The following CACUL1 variants were observed in gnomAD, a reference collection of about 807,000 sequenced individuals.
CACUL1 encodes the protein CDK2-associated and cullin domain-containing protein 1.
In CACUL1, 13 loss-of-function variants were observed where a neutral mutation model predicts 45.2. The observed-to-expected ratio is 0.29, with a 90% CI of 0.19 to 0.46. The LOEUF (loss-of-function observed/expected upper bound fraction) is 0.46. CACUL1 is among the 20% of genes least tolerant of loss of function. The probability of loss-of-function intolerance (pLI) is 1.00; values close to 1 mark genes in which losing one functional copy is unlikely to be tolerated. For missense variants in CACUL1, 421 were observed against 471.4 expected (o/e 0.89, Z 0.99); for synonymous variants, 197 against 174.2 (o/e 1.13, Z -1.03).
intron 3 of CACUL1, among the ~76,000 whole-genome samples, chr10:118,723,787 T>C (rs768454827): frequency 6.6e-6 from 1 of 152,138 alleles, no homozygotes; most frequent in Non-Finnish European, 1.5e-5. Flanking sequence ...TTTTTTTTTC[T>C]TTTTGGGAGA....
intron 3 of CACUL1, among the ~76,000 whole-genome samples, chr10:118,723,979 C>CT (rs1203621792): frequency 6.6e-6 from 1 of 152,102 alleles, no homozygotes; most frequent in Non-Finnish European, 1.5e-5. Context: ...CTTGGCCAGG[C>CT]TGGTCTTTAA....
At chr10:118,744,429 T>C (rs1564839654) in intron 1 of CACUL1, among the ~76,000 whole-genome samples, 1 of 151,736 alleles carries the variant, frequency 6.6e-6, no homozygotes. Context: ...AGATCTGGAA[T>C]AGGTAAACCC....
chr10:118,713,048 G>A (rs1218490310), intron 3 of CACUL1, among the ~76,000 whole-genome samples: 1 of 152,208 alleles, frequency 6.6e-6, no homozygotes, highest in Non-Finnish European at 1.5e-5. Flanking sequence ...GCCAAGGGGC[G>A]CCTGCAGGCC....
chr10:118,719,062 A>G (rs1402057871), intron 3 of CACUL1, among the ~76,000 whole-genome samples: 5 of 152,252 alleles, frequency 3.3e-5, no homozygotes, highest in African/African-American at 1.2e-4. Context: ...TATCACAGAC[A>G]CTTTAAATAA....
At chr10:118,729,112 C>G in intron 3 of CACUL1, 183 bp downstream of exon 3, 1 of 525,066 alleles carries the variant, frequency 1.9e-6, no homozygotes, top group Non-Finnish European at 3.3e-6. Flanking sequence ...ACAATTTATA[C>G]CAAATTTTCA....
intron 3 of CACUL1, among the ~76,000 whole-genome samples, chr10:118,728,317 CT>C (rs5788315): frequency 4.8e-4 from 68 of 140,766 alleles, no homozygotes; most frequent in South Asian, 8.9e-4. Flanking sequence ...AGTGACTTTT[CT>C]TTTTTTTTTT....
chr10:118,715,725 C>T (rs943656773), intron 3 of CACUL1, among the ~76,000 whole-genome samples: 3 of 151,940 alleles, frequency 2.0e-5, no homozygotes, highest in Non-Finnish European at 4.4e-5. Context: ...CCCAGCCAAC[C>T]GAAATGAAAC....
rs1254944014 is a variant in CACUL1, at chr10:118,676,855, CACACACACACACACACA to C, written c.*9256_*9272del. ...ATGTCTATGTACACACACACACACA[CACACACACACACACACA>C]CTGGGGTGTGCACACTACGGCATTA... is the stretch of plus-strand genomic sequence containing the variant. On this transcript the variant is annotated 3_prime_UTR_variant, in exon 9 of 9. Transcript: ENST00000369151. 6.6e-6 allele frequency: 1 copy of C among 151,966 alleles called. No individual in the cohort carries two copies. Among genetic ancestry groups the C allele is most frequent in the African/African-American group, 2.4e-5 (1 of 41,342 alleles). 9.4% of individuals were successfully genotyped at this position (151,966 alleles called of 1,614,324 possible).
At chr10:118,736,880 T>C (rs778824323) in intron 1 of CACUL1, among the ~76,000 whole-genome samples, 6 of 152,170 alleles carry the variant, frequency 3.9e-5, no homozygotes, top group Non-Finnish European at 7.3e-5. Context: ...TATGTTACAG[T>C]TGCATACAGT....
At chr10:118,701,688 CTG>C (rs569235062) in intron 4 of CACUL1, among the ~76,000 whole-genome samples, 8 of 152,312 alleles carry the variant, frequency 5.3e-5, no homozygotes, top group African/African-American at 1.9e-4. Flanking sequence ...TAGAATCACA[CTG>C]TGTGGAATAC....
chr10:118,712,437 G>A (rs546163114), intron 3 of CACUL1, among the ~76,000 whole-genome samples: 3 of 152,216 alleles, frequency 2.0e-5, no homozygotes, highest in Admixed American at 1.3e-4. Flanking sequence ...CTCTTCACCC[G>A]CAATGTGGCA....
intron 3 of CACUL1, among the ~76,000 whole-genome samples, chr10:118,721,868 T>G (rs1185004487): frequency 6.6e-6 from 1 of 152,212 alleles, no homozygotes; most frequent in African/African-American, 2.4e-5. Flanking sequence ...CAACATTACT[T>G]GGGGAGAAAA....
chr10:118,738,124 C>A (rs1355511457), intron 1 of CACUL1, among the ~76,000 whole-genome samples: 1 of 152,120 alleles, frequency 6.6e-6, no homozygotes, highest in Non-Finnish European at 1.5e-5. Flanking sequence ...GAGGTGGATA[C>A]CAATGGTGGG....
At chr10:118,752,741 A>G (rs1178906845) in intron 1 of CACUL1, among the ~76,000 whole-genome samples, 9 of 152,202 alleles carry the variant, frequency 5.9e-5, no homozygotes, top group Non-Finnish European at 1.2e-4. Context: ...CTGGATGCAG[A>G]GCTTCTAAAA....
chr10:118,682,563 T>G lies in CACUL1; in HGVS notation c.*3565A>C, dbSNP rs559440736. The G allele has an allele frequency of 6.5e-6, 1 of 152,812 alleles. No homozygotes were observed. Among genetic ancestry groups the G allele is most frequent in the Non-Finnish European group, 1.5e-5 (1 of 68,058 alleles). 9.5% of individuals were successfully genotyped at this position (152,812 alleles called of 1,614,324 possible). A position where few individuals can be genotyped will look rare whatever the true frequency, so the allele number is the denominator to read the frequency against. On this transcript the variant is annotated 3_prime_UTR_variant, in exon 9 of 9. Coordinates refer to ENST00000369151, the MANE Select transcript of CACUL1 (RefSeq NM_153810.5). ...ACCAATTTTGTTTGCTAGATCACCA[T>G]TACCTTTGCTAGTATGCGTACAGAC...
chr10:118,746,370 T>C (rs1033630991), intron 1 of CACUL1, among the ~76,000 whole-genome samples: 1 of 152,170 alleles, frequency 6.6e-6, no homozygotes, highest in Non-Finnish European at 1.5e-5. Context: ...AGGATAGTCT[T>C]TTCAACAAAT....
At chr10:118,712,481 C>T (rs553357631) in intron 3 of CACUL1, among the ~76,000 whole-genome samples, 5 of 152,372 alleles carry the variant, frequency 3.3e-5, no homozygotes, top group African/African-American at 1.2e-4. Flanking sequence ...GTTTGTGTTA[C>T]AACTCTTTTA....
chr10:118,720,082 ACTT>A (rs1190922645), intron 3 of CACUL1, among the ~76,000 whole-genome samples: 1 of 152,160 alleles, frequency 6.6e-6, no homozygotes, highest in Non-Finnish European at 1.5e-5. Flanking sequence ...TAGATCTTTT[ACTT>A]CTTAAGCTAT....
At chr10:118,739,488 T>C (rs1444757694) in intron 1 of CACUL1, among the ~76,000 whole-genome samples, 1 of 152,228 alleles carries the variant, frequency 6.6e-6, no homozygotes, top group Non-Finnish European at 1.5e-5. Flanking sequence ...AAGCAATACT[T>C]TTAAAATGCC....
Sources: gnomAD v4.1 joint callset for allele counts (sites outside exome capture counted in the v4.1 genomes callset) on GRCh38, gnomAD v4.1.1 for gene constraint, MANE v1.5 for transcripts, NCBI Gene and HGNC (gene_info 2026-07-23, HGNC 2026-07-21) for gene names.